RPGRIP1: variants seen among roughly 807,000 people sequenced by gnomAD.
RPGRIP1 encodes the protein RPGR interacting protein 1.
In RPGRIP1, 128 loss-of-function variants were observed where a neutral mutation model predicts 157.9. The ratio of observed to expected loss-of-function variants is 0.81; its 90% confidence interval spans 0.70 to 0.94. RPGRIP1 has a LOEUF of 0.94. Among genes scored for constraint, RPGRIP1 ranks in the 40% least tolerant of loss-of-function variants. The pLI, the probability that RPGRIP1 is intolerant of heterozygous loss-of-function variation, is 0.00. For synonymous variants in RPGRIP1, 554 were observed against 571.6 expected, an observed-to-expected ratio of 0.97 and a Z score of 0.44; for missense variants, 1,486 against 1,545.8, an observed-to-expected ratio of 0.96 and a Z score of 0.65.
chr14:21,313,396 A>C (rs1406230103), intron 10 of RPGRIP1, among the ~76,000 whole-genome samples: 1 of 152,130 alleles, frequency 6.6e-6, no homozygotes, highest in African/African-American at 2.4e-5. Flanking sequence ...ATAGCAAAAA[A>C]ACAAAAACAA....
At chr14:21,301,312 C>A in intron 4 of RPGRIP1, 75 bp downstream of exon 4, 2 of 1,417,780 alleles carry the variant, frequency 1.4e-6, no homozygotes, top group Non-Finnish European at 1.9e-6. Context: ...GTTTTCCTCA[C>A]TGCCTTCTTC....
At chr14:21,281,979 C>A (rs1880148828) in intron 1 of RPGRIP1, among the ~76,000 whole-genome samples, 2 of 151,926 alleles carry the variant, frequency 1.3e-5, no homozygotes, top group Admixed American at 1.3e-4. Flanking sequence ...CCTGTAATCC[C>A]AGCTACTCTG....
rs1881906314 is a variant in RPGRIP1, at chr14:21,317,682, C to T, written c.1152-14C>T. On this transcript the variant is annotated splice_polypyrimidine_tract_variant and intron_variant, in intron 10 of 24. Coordinates refer to ENST00000400017, the MANE Select transcript of RPGRIP1 (RefSeq NM_020366.4). ...CTTGGGGTATCCATCTGAGAGCTTG[C>T]TTTCCATTGCCAGCATGCTGGACAG... 6.3e-7 allele frequency: 1 copy of T among 1,574,968 alleles called. No individual in the cohort carries two copies. Among genetic ancestry groups the T allele is most frequent in the Non-Finnish European group, 8.6e-7 (1 of 1,159,952 alleles).
chr14:21,346,829 C>G (rs1322381123), intron 23 of RPGRIP1, among the ~76,000 whole-genome samples: 1 of 152,176 alleles, frequency 6.6e-6, no homozygotes, highest in Non-Finnish European at 1.5e-5. Flanking sequence ...AGCCACTGTG[C>G]CCGACCTGGT....
intron 3 of RPGRIP1, among the ~76,000 whole-genome samples, chr14:21,296,307 T>C (rs1880775422): frequency 1.3e-5 from 2 of 151,862 alleles, no homozygotes; most frequent in South Asian, 4.1e-4. Flanking sequence ...GCTCAGGCAA[T>C]CAGCCTGCCT....
At chr14:21,341,176 A>G (rs1237346808) in intron 21 of RPGRIP1, among the ~76,000 whole-genome samples, 1 of 152,118 alleles carries the variant, frequency 6.6e-6, no homozygotes, top group Non-Finnish European at 1.5e-5. Flanking sequence ...GATTACAGGC[A>G]TGAGCCACCA....
intron 2 of RPGRIP1, among the ~76,000 whole-genome samples, chr14:21,289,528 C>G (rs866462742): frequency 3.1e-4 from 47 of 152,182 alleles, no homozygotes; most frequent in Admixed American, 5.2e-4. Flanking sequence ...TCCCATCCCT[C>G]AATCCCAATC....
chr14:21,327,053 T>G (rs1415462131), intron 17 of RPGRIP1, among the ~76,000 whole-genome samples: 1 of 152,064 alleles, frequency 6.6e-6, no homozygotes, highest in African/African-American at 2.4e-5. Flanking sequence ...AACAACCATA[T>G]TTAACAAGAT....
chr14:21,327,872 A>G (rs1453742374), intron 18 of RPGRIP1, 65 bp downstream of exon 18: 2 of 1,307,644 alleles, frequency 1.5e-6, no homozygotes, highest in Non-Finnish European at 2.1e-6. Flanking sequence ...TTTGAAGGAG[A>G]CAGTATTATA....
At chr14:21,289,564 C>T (rs907088575) in intron 2 of RPGRIP1, among the ~76,000 whole-genome samples, 9 of 152,166 alleles carry the variant, frequency 5.9e-5, no homozygotes, top group Non-Finnish European at 1.0e-4. Context: ...TCTATTTTCA[C>T]TTGACTTCAC....
chr14:21,288,161 C>T, intron 2 of RPGRIP1, 100 bp downstream of exon 2: 9 of 697,886 alleles, frequency 1.3e-5, no homozygotes, highest in Non-Finnish European at 1.8e-5. Flanking sequence ...ACTTTCAGCT[C>T]TTTTCTTCAG....
intron 21 of RPGRIP1, among the ~76,000 whole-genome samples, chr14:21,335,249 A>G (rs960148175): frequency 3.9e-5 from 6 of 152,212 alleles, no homozygotes; most frequent in African/African-American, 1.2e-4. Context: ...ACTTGCTTCA[A>G]TACTTCTGTC....
At position 21,327,687 on chromosome 14, in the gene RPGRIP1, G is replaced by A. The variant is rs398124354; in HGVS notation, c.2775G>A (p.Trp925Ter). The change falls in exon 18 of 25, where the codon TGG becomes TGA. Residue 925 changes from tryptophan to a stop codon, truncating the protein, a stop_gained. Transcript: ENST00000400017. LOFTEE classifies it high-confidence loss of function. The part of the protein sequence containing the change: ...PNGSIQVQLD[W>*]KFPYIPPESF... The stretch of plus-strand genomic sequence containing the variant: ...GATCTATTCAAGTGCAACTGGATTG[G>A]AAGTTTCCCTACATACCCCCTGAGA... The A allele has an allele frequency of 1.2e-6, 2 of 1,613,928 alleles. No individual in the cohort carries two copies. The highest frequency in any genetic ancestry group is 1.7e-5 in the Admixed American group (1 of 60,010).
rs1881581887 is a variant in RPGRIP1 at position 21,312,483 on chromosome 14, C to G, written c.1128C>G (p.Asp376Glu). ...AAAAAGAACGAAAATTGCTGAATGA[C>G]AATTATGACAAACTCTTAGAAAGGT... is the stretch of plus-strand genomic sequence containing the variant. ...DLEKERKLLN[D>E]NYDKLLESML... Residue 376 changes from aspartate to glutamate, a missense_variant, in exon 10 of 25, where the codon GAC becomes GAG. Coordinates refer to ENST00000400017, the MANE Select transcript of RPGRIP1 (RefSeq NM_020366.4). 3 of 1,611,022 alleles carry G rather than the reference C, an allele frequency of 1.9e-6. No individual in the cohort carries two copies. The East Asian group carries it at 6.7e-5, about 36-fold the overall frequency.
At chr14:21,348,038 A>T in intron 23 of RPGRIP1, 134 bp from the exon 24 acceptor site, 1 of 744,214 alleles carries the variant, frequency 1.3e-6, no homozygotes, top group Non-Finnish European at 2.0e-6. Context: ...GCTTATTGTC[A>T]TTTTGTAAAA....
chr14:21,338,175 C>T (rs929275282), intron 21 of RPGRIP1, among the ~76,000 whole-genome samples: 1 of 152,230 alleles, frequency 6.6e-6, no homozygotes, highest in Non-Finnish European at 1.5e-5. Context: ...CTCGGCCTCC[C>T]AAAGTGCCGG....
At position 21,328,435 on chromosome 14, in the gene RPGRIP1, ATC is replaced by A; in HGVS notation, c.2910_2911del (p.Pro971Ter). The A allele has an allele frequency of 6.2e-7, 1 of 1,611,036 alleles. No individual in the cohort carries two copies. The highest frequency in any genetic ancestry group is 1.7e-5 in the Admixed American group (1 of 59,322). ...ATCTTTCTATTCAGGATCAGATGGCATCTCCTGAGGTTCCCATTGAAGCTGGC... is the reference window on the plus strand; with the variant it reads ...ATCTTTCTATTCAGGATCAGATGGCATCCTGAGGTTCCCATTGAAGCTGGC... ...ASFPSQDQMA[S>X]PEVPIEAGQY... is the part of the protein sequence containing the mutation. On this transcript the variant is annotated frameshift_variant, in exon 19 of 25. Transcript: ENST00000400017. LOFTEE classifies it high-confidence loss of function.
chr14:21,316,787 T>C (rs1881834164), intron 10 of RPGRIP1, among the ~76,000 whole-genome samples: 1 of 152,174 alleles, frequency 6.6e-6, no homozygotes, highest in South Asian at 2.1e-4. Context: ...AAATAATTGT[T>C]TGATTATTAG....
intron 23 of RPGRIP1, among the ~76,000 whole-genome samples, chr14:21,346,090 C>T (rs1021877460): frequency 7.9e-5 from 12 of 152,242 alleles, no homozygotes; most frequent in South Asian, 2.1e-4. Flanking sequence ...GGATTACAGG[C>T]GTGAGTGACC....
Sources: gnomAD v4.1 joint callset for allele counts (sites outside exome capture counted in the v4.1 genomes callset) on GRCh38, gnomAD v4.1.1 for gene constraint, MANE v1.5 for transcripts, NCBI Gene and HGNC (gene_info 2026-07-23, HGNC 2026-07-21) for gene names.